The following CSMD3 variants were observed in gnomAD, a reference collection of about 807,000 sequenced individuals.
CSMD3 encodes CUB and Sushi multiple domains 3, also known as CUB and sushi domain-containing protein 3.
CSMD3 carries 177 observed loss-of-function variants against 435.2 expected under a neutral mutation model. That is an observed-to-expected ratio of 0.41 (90% CI 0.36 to 0.46). CSMD3 has a LOEUF of 0.46. Ranked by LOEUF, CSMD3 falls within the 20% of genes least tolerant of loss-of-function variation. The pLI is 0.34. For missense variants in CSMD3, 4,265 were observed against 4,504.6 expected, an observed-to-expected ratio of 0.95 and a Z score of 1.52; for synonymous variants, 1,656 against 1,520.5, an observed-to-expected ratio of 1.09 and a Z score of -2.07.
intron 59 of CSMD3, among the ~76,000 whole-genome samples, chr8:112,277,088 CTTTCACAAA>C (rs1818131613): frequency 6.6e-6 from 1 of 152,166 alleles, no homozygotes; most frequent in Non-Finnish European, 1.5e-5. Context: ...CTCCTCATTA[CTTTCACAAA>C]TTTCTACAGC....
intron 13 of CSMD3, among the ~76,000 whole-genome samples, chr8:112,740,370 GT>G (rs76572568): frequency 0.23 from 34,017 of 150,712 alleles, 4,326 homozygotes; most frequent in East Asian, 0.41. Context: ...TCTTTTTTGT[GT>G]TTTTTTCACT....
intron 28 of CSMD3, among the ~76,000 whole-genome samples, chr8:112,511,391 T>C (rs2353806): frequency 0.25 from 32,343 of 128,374 alleles, 3,402 homozygotes; most frequent in East Asian, 0.39. Context: ...TTTCTTTTTT[T>C]TTTTTTTTTT....
At chr8:113,072,282 CT>C (rs1206548448) in intron 5 of CSMD3, among the ~76,000 whole-genome samples, 1 of 151,308 alleles carries the variant, frequency 6.6e-6, no homozygotes, top group Non-Finnish European at 1.5e-5. Context: ...TAGATGTTTT[CT>C]TTTTTTTCCT....
At chr8:113,070,755 C>A (rs964912690) in intron 5 of CSMD3, among the ~76,000 whole-genome samples, 1 of 152,050 alleles carries the variant, frequency 6.6e-6, no homozygotes, top group South Asian at 2.1e-4. Flanking sequence ...ACTCCAGATT[C>A]ACCCATGAAT....
chr8:113,309,006 TG>T (rs2093846118), intron 2 of CSMD3, among the ~76,000 whole-genome samples: 1 of 152,140 alleles, frequency 6.6e-6, no homozygotes, highest in Non-Finnish European at 1.5e-5. Flanking sequence ...TGGAGTGCAG[TG>T]GTGCAGTCTC....
chr8:112,519,239 T>C (rs1460255999), intron 27 of CSMD3, among the ~76,000 whole-genome samples: 1 of 152,168 alleles, frequency 6.6e-6, no homozygotes, highest in Non-Finnish European at 1.5e-5. Flanking sequence ...TCATGCCTCC[T>C]TTTCCTTAAC....
chr8:112,603,746 T>C (rs1403147198), intron 22 of CSMD3, among the ~76,000 whole-genome samples: 1 of 152,180 alleles, frequency 6.6e-6, no homozygotes, highest in Non-Finnish European at 1.5e-5. Context: ...TGTGAGTTCT[T>C]TCAAATTGTC....
At chr8:112,279,499 A>T (rs1345994190) in intron 59 of CSMD3, among the ~76,000 whole-genome samples, 1 of 152,200 alleles carries the variant, frequency 6.6e-6, no homozygotes, top group Non-Finnish European at 1.5e-5. Flanking sequence ...TGGCATTTAC[A>T]ATCAGCTTGG....
At chr8:112,497,066 C>T (rs1195210402) in intron 30 of CSMD3, among the ~76,000 whole-genome samples, 1 of 151,910 alleles carries the variant, frequency 6.6e-6, no homozygotes, top group Non-Finnish European at 1.5e-5. Flanking sequence ...TCACATACTC[C>T]CTAAATGTAT....
chr8:113,397,966 A>AT (rs1275464205), intron 1 of CSMD3, among the ~76,000 whole-genome samples: 1 of 152,062 alleles, frequency 6.6e-6, no homozygotes, highest in African/African-American at 2.4e-5. Context: ...TTGTGCCTCC[A>AT]TTTTTTCATC....
chr8:112,708,681 A>ATTTTTTGTTTTTT, intron 13 of CSMD3, among the ~76,000 whole-genome samples: 1 of 147,510 alleles, frequency 6.8e-6, no homozygotes, highest in Non-Finnish European at 1.5e-5. Flanking sequence ...GAAGGACTGA[A>ATTTTTTGTTTTTT]TATATATTGG....
At chr8:112,375,830 C>G (rs532497222) in intron 38 of CSMD3, among the ~76,000 whole-genome samples, 1 of 152,194 alleles carries the variant, frequency 6.6e-6, no homozygotes, top group East Asian at 1.9e-4. Context: ...TGCTTTTGAT[C>G]TGTGGCACCT....
chr8:112,523,227 G>T (rs1240468758), intron 27 of CSMD3, among the ~76,000 whole-genome samples: 1 of 151,838 alleles, frequency 6.6e-6, no homozygotes, highest in Non-Finnish European at 1.5e-5. Context: ...ATTAAGAAAA[G>T]ATATTAATCC....
chr8:113,315,235 G>C (rs1400096328), intron 1 of CSMD3, among the ~76,000 whole-genome samples: 3 of 152,096 alleles, frequency 2.0e-5, no homozygotes, highest in Non-Finnish European at 4.4e-5. Context: ...ACACATGCTA[G>C]CTTTTTTGAC....
intron 36 of CSMD3, among the ~76,000 whole-genome samples, chr8:112,389,853 G>GA (rs1281839956): frequency 2.0e-5 from 3 of 152,146 alleles, no homozygotes; most frequent in East Asian, 1.9e-4. Context: ...AATTCATCCA[G>GA]AAAAAATATA....
chr8:113,069,291 G>C (rs2088998227), intron 5 of CSMD3, among the ~76,000 whole-genome samples: 1 of 152,038 alleles, frequency 6.6e-6, no homozygotes, highest in African/African-American at 2.4e-5. Context: ...AACAAACACA[G>C]CAGAACATAG....
chr8:112,956,787 T>C (rs1460557455), intron 7 of CSMD3, among the ~76,000 whole-genome samples: 2 of 152,148 alleles, frequency 1.3e-5, no homozygotes, highest in Admixed American at 1.3e-4. Context: ...TTGGGTAAGG[T>C]TTTCCTGCTT....
intron 3 of CSMD3, among the ~76,000 whole-genome samples, chr8:113,271,533 G>C (rs1303535378): frequency 7.9e-5 from 12 of 152,170 alleles, no homozygotes; most frequent in Non-Finnish European, 1.5e-5. Flanking sequence ...GTGATGTTGA[G>C]CCTGCGGGTG....
intron 67 of CSMD3, 140 bp downstream of exon 67, chr8:112,237,050 C>T (rs995533538): frequency 9.0e-6 from 8 of 889,582 alleles, no homozygotes; most frequent in African/African-American, 3.4e-5. Context: ...AACCTTGGTT[C>T]TGAGTGAATA....
Sources: gnomAD v4.1 joint callset for allele counts (sites outside exome capture counted in the v4.1 genomes callset) on GRCh38, gnomAD v4.1.1 for gene constraint, MANE v1.5 for transcripts, NCBI Gene and HGNC (gene_info 2026-07-23, HGNC 2026-07-21) for gene names.